The following A1CF variants were observed in gnomAD, a reference collection of about 807,000 sequenced individuals.
A1CF encodes the protein APOBEC-1 stimulating protein.
A neutral mutation model predicts 68.9 loss-of-function variants in A1CF; 48 were observed. The ratio of observed to expected loss-of-function variants is 0.70; its 90% CI spans 0.55 to 0.89. The LOEUF is 0.89. Among genes scored for constraint, A1CF ranks in the 40% least tolerant of loss-of-function variants. A1CF has a pLI of 0.00. For synonymous variants in A1CF, 272 were observed against 260.4 expected (o/e 1.04, Z -0.43); for missense variants, 653 against 718.9 (o/e 0.91, Z 1.05).
chr10:50,870,860 A>G (rs1841232400), intron 1 of A1CF, among the ~76,000 whole-genome samples: 1 of 151,762 alleles, frequency 6.6e-6, no homozygotes, highest in African/African-American at 2.4e-5. Context: ...TGAACTACAT[A>G]TGAAAAAGCA....
chr10:50,817,032 C>G (rs1220514770), intron 8 of A1CF, among the ~76,000 whole-genome samples: 2 of 152,200 alleles, frequency 1.3e-5, no homozygotes, highest in African/African-American at 4.8e-5. Context: ...TGCTTAAAAC[C>G]TGTCCTTAAG....
intron 12 of A1CF, among the ~76,000 whole-genome samples, chr10:50,807,872 T>C (rs991221969): frequency 2.0e-5 from 3 of 152,180 alleles, no homozygotes; most frequent in Non-Finnish European, 2.9e-5. Flanking sequence ...GACACATTGA[T>C]TTTTTTCTAG....
intron 3 of A1CF, among the ~76,000 whole-genome samples, chr10:50,845,149 T>A (rs894200699): frequency 3.3e-5 from 5 of 152,208 alleles, no homozygotes; most frequent in Non-Finnish European, 5.9e-5. Flanking sequence ...TGAGTATTTT[T>A]AAAATCTAAT....
chr10:50,806,671 T>TG lies in A1CF; in HGVS notation c.*57_*58insC. 6.8e-7 allele frequency: 1 copy of TG among 1,464,696 alleles called. No individual in the cohort carries two copies. Among genetic ancestry groups the TG allele is most frequent in the Non-Finnish European group, 9.2e-7 (1 of 1,091,802 alleles). The allele number at this position is 1,464,696 out of a possible 1,614,324, so 90.7% of individuals were successfully genotyped here. ...TTGGGGACCGAGTTAGAGGTTTATT[T>TG]CTTTTTTTTTTTTAATAGAGTTTTG... On this transcript the variant is annotated 3_prime_UTR_variant, in exon 13 of 13. Coordinates refer to ENST00000373997, the MANE Select transcript of A1CF (RefSeq NM_014576.4).
intron 6 of A1CF, among the ~76,000 whole-genome samples, chr10:50,830,780 T>C (rs981209584): frequency 6.6e-6 from 1 of 152,126 alleles, no homozygotes; most frequent in Non-Finnish European, 1.5e-5. Flanking sequence ...AAAATTTGTA[T>C]GGGGCCACAA....
chr10:50,852,729 GA>G (rs1840305005), intron 3 of A1CF, among the ~76,000 whole-genome samples: 1 of 152,078 alleles, frequency 6.6e-6, no homozygotes, highest in Admixed American at 6.6e-5. Flanking sequence ...TGCAGTGGTT[GA>G]AAAAGAATGT....
At chr10:50,809,089 T>G (rs1837970039) in intron 12 of A1CF, among the ~76,000 whole-genome samples, 1 of 152,124 alleles carries the variant, frequency 6.6e-6, no homozygotes, top group Non-Finnish European at 1.5e-5. Flanking sequence ...CCCTTCAATC[T>G]CTAAAGGATT....
chr10:50,857,957 G>C (rs1840566753), intron 3 of A1CF, among the ~76,000 whole-genome samples: 1 of 152,188 alleles, frequency 6.6e-6, no homozygotes, highest in African/African-American at 2.4e-5. Flanking sequence ...TTCGATACCT[G>C]TCAGGCCTGA....
In A1CF at chr10:50,871,282, G is replaced by T. The variant is rs537199729; in HGVS notation, c.-93-7202C>A. 7.3e-5 allele frequency among the ~76,000 whole-genome samples: 11 copies of T among 151,680 alleles called. No individual in the cohort carries two copies. In the South Asian group the frequency reaches 1.5e-3, roughly 20 times the overall value. ...GAAATAACAAGTGAAGTATAATAAGGTCTAAACAATAGAATAAAAACATAA... is the reference window on the plus strand; with the variant it reads ...GAAATAACAAGTGAAGTATAATAAGTTCTAAACAATAGAATAAAAACATAA... On this transcript the variant is annotated intron_variant, in intron 1 of 12. Coordinates refer to ENST00000373997, the MANE Select transcript of A1CF (RefSeq NM_014576.4).
At chr10:50,837,558 A>T (rs139857436) in intron 5 of A1CF, among the ~76,000 whole-genome samples, 95 of 152,356 alleles carry the variant, frequency 6.2e-4, no homozygotes, top group African/African-American at 2.2e-3. Context: ...CCTCACGGTA[A>T]AGAACTGGTT....
intron 6 of A1CF, among the ~76,000 whole-genome samples, chr10:50,834,009 C>A (rs182745956): frequency 6.6e-6 from 1 of 152,240 alleles, no homozygotes; most frequent in Admixed American, 6.5e-5. Context: ...AAAGTCAGGA[C>A]TGTGGGTGGA....
At chr10:50,867,493 G>T (rs570809988) in intron 1 of A1CF, among the ~76,000 whole-genome samples, 2 of 152,272 alleles carry the variant, frequency 1.3e-5, no homozygotes, top group African/African-American at 4.8e-5. Context: ...GTGTACACAT[G>T]GAGGTAGAGA....
Position 50,811,035 on chromosome 10 carries a change from C to T in A1CF, c.1460+5G>A, listed in dbSNP as rs200879019. 43 of 1,609,802 alleles carry T rather than the reference C, an allele frequency of 2.7e-5. No homozygotes were observed. Among genetic ancestry groups the T allele is most frequent in the Non-Finnish European group, 3.4e-5 (40 of 1,177,838 alleles). On this transcript the variant is annotated splice_donor_5th_base_variant and intron_variant, in intron 11 of 12. Transcript: ENST00000373997. Reference sequence around the variant, plus strand: ...AATGGTAAGGAATTTGGAGAAGTTACGCACATTGCAGGATTCTGGCTGGCT... The same window carrying T: ...AATGGTAAGGAATTTGGAGAAGTTATGCACATTGCAGGATTCTGGCTGGCT...
chr10:50,878,842 G>T (rs1163092306), intron 1 of A1CF, among the ~76,000 whole-genome samples: 1 of 152,198 alleles, frequency 6.6e-6, no homozygotes, highest in Non-Finnish European at 1.5e-5. Flanking sequence ...GAATTAGTAT[G>T]TTGCAAGTGT....
chr10:50,858,705 C>G (rs1274849856), intron 3 of A1CF, among the ~76,000 whole-genome samples: 1 of 151,948 alleles, frequency 6.6e-6, no homozygotes, highest in Non-Finnish European at 1.5e-5. Context: ...TGTATAACAT[C>G]TATGGAAGTG....
chr10:50,849,872 C>T (rs1840159144), intron 3 of A1CF, among the ~76,000 whole-genome samples: 1 of 141,314 alleles, frequency 7.1e-6, no homozygotes. Context: ...CAGCTCACTG[C>T]AAGCTCCGCC....
At position 50,836,505 on chromosome 10, in the gene A1CF, A is replaced by C. The variant is rs141343052; in HGVS notation, c.366-193T>G. On this transcript the variant is annotated intron_variant, in intron 5 of 12. Transcript: ENST00000373997. ...CAACATGTGCTCTACATTTTCAAAC[A>C]AAAAAGTTATCTGAAGCTGAGTAGC... is the stretch of plus-strand genomic sequence containing the variant. Among the ~76,000 whole-genome samples the C allele has an allele frequency of 4.6e-3, 701 of 152,320 alleles. 2 individuals carry two copies. The highest frequency in any genetic ancestry group is 0.017 in the South Asian group (82 of 4,822).
intron 2 of A1CF, among the ~76,000 whole-genome samples, chr10:50,861,884 G>A (rs1840763867): frequency 6.7e-6 from 1 of 148,662 alleles, no homozygotes; most frequent in South Asian, 2.1e-4. Context: ...TACTAGTATA[G>A]TATTACTATA....
chr10:50,816,511 T>G lies in A1CF; in HGVS notation c.868-232A>C, dbSNP rs1459431694. The G allele has an allele frequency of 7.7e-6, 4 of 522,292 alleles. No individual in the cohort carries two copies. In the East Asian group the frequency reaches 1.3e-4, roughly 17 times the overall value. 32.4% of individuals were successfully genotyped at this position (522,292 alleles called of 1,614,324 possible). On this transcript the variant is annotated intron_variant, in intron 8 of 12. Transcript: ENST00000373997. Reference sequence around the variant, plus strand: ...GGTTTGACAGTGACATATTGGCCAGTGTCCATTGACATATTCATTATAAAT... The same window carrying G: ...GGTTTGACAGTGACATATTGGCCAGGGTCCATTGACATATTCATTATAAAT...
Sources: allele counts gnomAD v4.1 joint callset (sites outside exome capture counted in the v4.1 genomes callset), GRCh38; gene constraint gnomAD v4.1.1; transcripts MANE v1.5; gene names NCBI Gene and HGNC (gene_info 2026-07-23, HGNC 2026-07-21).